SCAF11: variants seen among roughly 807,000 people sequenced by gnomAD.
SCAF11 encodes the protein SR-related CTD associated factor 11.
In SCAF11, 47 loss-of-function variants were observed where a neutral mutation model predicts 140.5. The observed-to-expected ratio is 0.33, with a 90% CI of 0.26 to 0.43. The LOEUF is 0.43. Among genes scored for constraint, SCAF11 ranks in the 20% least tolerant of loss-of-function variants. SCAF11 has a pLI of 1.00. For synonymous variants in SCAF11, 557 were observed against 579.4 expected (o/e 0.96, Z 0.55); for missense variants, 1,645 against 1,705.1 (o/e 0.96, Z 0.62).
chr12:45,964,232 C>T (rs1336562887), intron 1 of SCAF11, 44 bp from the exon 2 acceptor site: 1 of 873,610 alleles, frequency 1.1e-6, no homozygotes, highest in Non-Finnish European at 1.8e-6. Flanking sequence ...TTGCCTTCTC[C>T]CAATAATATC....
At chr12:45,936,672 A>G (rs1282015413) in intron 6 of SCAF11, among the ~76,000 whole-genome samples, 1 of 145,628 alleles carries the variant, frequency 6.9e-6, no homozygotes, top group East Asian at 1.9e-4. Context: ...GCTGTTCAAT[A>G]GTCATTTTGG....
chr12:45,968,057 A>G (rs1238303358), intron 1 of SCAF11, among the ~76,000 whole-genome samples: 1 of 152,216 alleles, frequency 6.6e-6, no homozygotes, highest in Non-Finnish European at 1.5e-5. Context: ...CCTTCCTTGT[A>G]GTTACCTGAA....
At chr12:45,944,639 AAGG>A (rs1945377701) in intron 6 of SCAF11, among the ~76,000 whole-genome samples, 1 of 152,178 alleles carries the variant, frequency 6.6e-6, no homozygotes, top group South Asian at 2.1e-4. Context: ...CTGAACCCCC[AAGG>A]AGGAGTCACA....
At chr12:45,933,894 A>G (rs1051307426) in intron 8 of SCAF11, among the ~76,000 whole-genome samples, 1 of 152,194 alleles carries the variant, frequency 6.6e-6, no homozygotes, top group African/African-American at 2.4e-5. Context: ...TAAATAAGCT[A>G]CTTCTCAATC....
intron 1 of SCAF11, among the ~76,000 whole-genome samples, chr12:45,972,939 GATAT>G (rs1170160802): frequency 9.9e-4 from 9 of 9,050 alleles, no homozygotes; most frequent in African/African-American, 2.8e-3. Context: ...GATATATATA[GATAT>G]ATATATAGAT....
chr12:45,955,906 A>C, intron 3 of SCAF11: 1 of 514,930 alleles, frequency 1.9e-6, no homozygotes, highest in Admixed American at 3.4e-5. Flanking sequence ...TTACAGTGTA[A>C]TGTGTATTAA....
chr12:45,945,644 C>T lies in SCAF11; in HGVS notation c.399-331G>A, dbSNP rs1274706816. Among the ~76,000 whole-genome samples the T allele has an allele frequency of 2.0e-5, 3 of 151,336 alleles. No individual in the cohort carries two copies. In the East Asian group the frequency reaches 5.8e-4, roughly 29 times the overall value. ...CTTGACCTCCTGGGCAGAAGCAATC[C>T]TCCCAGCTCAGCCTCCTGAGTAGCT... On this transcript the variant is annotated intron_variant, in intron 5 of 14. Coordinates refer to ENST00000369367, the MANE Select transcript of SCAF11 (RefSeq NM_004719.3).
chr12:45,983,742 A>AACACACACACACACACACAC (rs55655357), intron 1 of SCAF11, among the ~76,000 whole-genome samples: 3 of 133,906 alleles, frequency 2.2e-5, no homozygotes, highest in Non-Finnish European at 4.8e-5. Flanking sequence ...CTAAACCTAA[A>AACACACACACACACACACAC]ACACACACAC....
At chr12:45,936,615 A>T (rs1374099033) in intron 6 of SCAF11, among the ~76,000 whole-genome samples, 4 of 151,794 alleles carry the variant, frequency 2.6e-5, no homozygotes, top group Admixed American at 6.6e-5. Flanking sequence ...TCCTGGCAAA[A>T]CTCTTTCTTT....
chr12:45,942,037 TATG>T (rs1945314620), intron 6 of SCAF11, among the ~76,000 whole-genome samples: 3 of 152,222 alleles, frequency 2.0e-5, no homozygotes, highest in African/African-American at 7.2e-5. Context: ...TTCTCATCCT[TATG>T]ATTTCTTAAT....
intron 6 of SCAF11, 40 bp downstream of exon 6, chr12:45,945,209 C>CAAA: frequency 8.2e-7 from 1 of 1,225,172 alleles, no homozygotes; most frequent in Non-Finnish European, 1.2e-6. Context: ...TAAAAAACAA[C>CAAA]AAAAAAAAAG....
chr12:45,954,235 T>G (rs1312049425), intron 3 of SCAF11, among the ~76,000 whole-genome samples: 1 of 151,880 alleles, frequency 6.6e-6, no homozygotes, highest in African/African-American at 2.4e-5. Context: ...TTTTTCTTTA[T>G]TTTTTTTATT....
chr12:45,921,007 A>C lies in SCAF11; in HGVS notation c.*1041T>G, dbSNP rs1436385567. The C allele has an allele frequency of 6.6e-6, 1 of 151,640 alleles. No homozygotes were observed. Among genetic ancestry groups the C allele is most frequent in the Non-Finnish European group, 1.5e-5 (1 of 67,946 alleles). 9.4% of individuals were successfully genotyped at this position (151,640 alleles called of 1,614,324 possible). On this transcript the variant is annotated 3_prime_UTR_variant, in exon 15 of 15. Transcript: ENST00000369367. ...TTTTTTTTTCTTTTTTTTGAGACGG[A>C]GATTTGCTCCTGTTGCCCAGGCTGG...
At chr12:45,970,734 C>T (rs1946053287) in intron 1 of SCAF11, among the ~76,000 whole-genome samples, 2 of 152,220 alleles carry the variant, frequency 1.3e-5, no homozygotes, top group Admixed American at 6.5e-5. Context: ...CACTGATGAA[C>T]AAATTATCCT....
intron 9 of SCAF11, 122 bp downstream of exon 9, chr12:45,933,009 A>G: frequency 3.2e-6 from 2 of 631,078 alleles, no homozygotes; most frequent in Non-Finnish European, 5.3e-6. Flanking sequence ...ACCAAAGTTT[A>G]ATTTGCACAA....
rs376183351 is a variant in SCAF11, at chr12:45,945,216, A to G, written c.463+33T>C. Reference sequence around the variant, plus strand: ...CATTAAATTAAAAAACAACAAAAAAAAAGGTAGAATCCACAAGCAAAAAGT... The same window carrying G: ...CATTAAATTAAAAAACAACAAAAAAGAAGGTAGAATCCACAAGCAAAAAGT... On this transcript the variant is annotated intron_variant, in intron 6 of 14. Coordinates refer to ENST00000369367, the MANE Select transcript of SCAF11 (RefSeq NM_004719.3). 167 of 1,341,684 alleles carry G rather than the reference A, an allele frequency of 1.2e-4. 1 individual carries two copies. In the African/African-American group the frequency reaches 2.3e-3, roughly 19 times the overall value. The allele number at this position is 1,341,684 out of a possible 1,614,324, so 83.1% of individuals were successfully genotyped here.
Position 45,942,008 on chromosome 12 carries a change from A to T in SCAF11, c.463+3241T>A, listed in dbSNP as rs79502832. Among the ~76,000 whole-genome samples, 4 of 152,364 alleles carry T rather than the reference A, an allele frequency of 2.6e-5. No individual in the cohort carries two copies. In the East Asian group the frequency reaches 7.7e-4, roughly 29 times the overall value. Reference sequence around the variant, plus strand: ...CCTTTATGATGATCCACTTCTGCTCAATGAACAGTAAATGTATTTTCTCAT... The same window carrying T: ...CCTTTATGATGATCCACTTCTGCTCTATGAACAGTAAATGTATTTTCTCAT... On this transcript the variant is annotated intron_variant, in intron 6 of 14. Coordinates refer to ENST00000369367, the MANE Select transcript of SCAF11 (RefSeq NM_004719.3).
chr12:45,988,699 C>T (rs1326080806), intron 1 of SCAF11, among the ~76,000 whole-genome samples: 2 of 152,168 alleles, frequency 1.3e-5, no homozygotes, highest in Non-Finnish European at 2.9e-5. Context: ...TGAAGAATGT[C>T]TTTAAAGCAT....
At position 45,931,579 on chromosome 12, in the gene SCAF11, T is replaced by C. The variant is rs1392203199; in HGVS notation, c.768A>G (p.Glu256=). The C allele has an allele frequency of 1.3e-6, 2 of 1,538,308 alleles. No individual in the cohort carries two copies. Among genetic ancestry groups the C allele is most frequent in the Admixed American group, 4.3e-5 (2 of 46,264 alleles). ...IGFIPWNVET[E]VLPLISSVLP... ...ACACAGAAGAAATGAGAGGAAGGACTTCTGTTTCAACATTCCAGGGTATAA... is the reference window on the plus strand; with the variant it reads ...ACACAGAAGAAATGAGAGGAAGGACCTCTGTTTCAACATTCCAGGGTATAA... The change falls in exon 10 of 15, where the codon GAA becomes GAG. Residue 256 remains glutamate (E), a synonymous_variant. Coordinates refer to ENST00000369367, the MANE Select transcript of SCAF11 (RefSeq NM_004719.3).
Sources: allele counts gnomAD v4.1 joint callset (sites outside exome capture counted in the v4.1 genomes callset), GRCh38; gene constraint gnomAD v4.1.1; transcripts MANE v1.5; gene names NCBI Gene and HGNC (gene_info 2026-07-23, HGNC 2026-07-21).